The following ABCC8 variants were observed in gnomAD, a reference collection of about 807,000 sequenced individuals.
The protein encoded by ABCC8 is ATP binding cassette subfamily C member 8, also known as ATP-binding cassette sub-family C member 8.
ABCC8 carries 137 observed loss-of-function variants against 188.0 expected under a neutral mutation model. The ratio of observed to expected loss-of-function variants is 0.73; its 90% CI spans 0.63 to 0.84. The LOEUF (loss-of-function observed/expected upper bound fraction) is 0.84, where lower values mean the gene tolerates loss of function less well. Ranked by LOEUF, ABCC8 falls within the 40% of genes least tolerant of loss-of-function variation. The pLI, the probability that ABCC8 is intolerant of heterozygous loss-of-function variation, is 0.00. For synonymous variants in ABCC8, 797 were observed against 846.5 expected (o/e 0.94, Z 1.01); for missense variants, 1,750 against 2,072.7 (o/e 0.84, Z 3.02).
rs1194990705 is a variant in ABCC8, at chr11:17,461,104, T to C, written c.823-428A>G. On this transcript the variant is annotated intron_variant, in intron 5 of 38. Transcript: ENST00000389817. ...CTGCCGCCTGCCAGCTGTGGCCAGC[T>C]CTGGGCAGGTCACAGCCTTTCTCAG... 1.2e-5 allele frequency: 4 copies of C among 343,280 alleles called. No individual in the cohort carries two copies. In the Admixed American group the frequency reaches 1.3e-4, roughly 12 times the overall value. 21.3% of individuals were successfully genotyped at this position (343,280 alleles called of 1,614,324 possible). A position where few individuals can be genotyped will look rare whatever the true frequency, so the allele number is the denominator to read the frequency against.
chr11:17,441,914 T>A (rs971331496), intron 10 of ABCC8, among the ~76,000 whole-genome samples: 13 of 152,140 alleles, frequency 8.5e-5, no homozygotes, highest in Admixed American at 8.5e-4. Context: ...ACTCTGTCTC[T>A]ACTAAAAATA....
Position 17,413,626 on chromosome 11 carries a change from G to A in ABCC8, c.2391-148C>T, listed in dbSNP as rs143249391. The A allele has an allele frequency of 1.4e-5, 21 of 1,506,500 alleles. No individual in the cohort carries two copies. In the African/African-American group the frequency reaches 1.5e-4, roughly 11 times the overall value. 93.3% of individuals were successfully genotyped at this position (1,506,500 alleles called of 1,614,324 possible). A position where few individuals can be genotyped will look rare whatever the true frequency, so the allele number is the denominator to read the frequency against. Reference sequence around the variant, plus strand: ...TCCCGCTTGGGTGCAAGCAAACACCGTGTGAGCTTGAAAAGAGCTGAGGTC... The same window carrying A: ...TCCCGCTTGGGTGCAAGCAAACACCATGTGAGCTTGAAAAGAGCTGAGGTC... On this transcript the variant is annotated intron_variant, in intron 19 of 38. Coordinates refer to ENST00000389817, the MANE Select transcript of ABCC8 (RefSeq NM_000352.6).
At chr11:17,407,944 A>G (rs1047031164) in intron 23 of ABCC8, among the ~76,000 whole-genome samples, 2 of 152,186 alleles carry the variant, frequency 1.3e-5, no homozygotes, top group South Asian at 2.1e-4. Context: ...AATGGAGCCA[A>G]TTTGAGGGGA....
intron 16 of ABCC8, among the ~76,000 whole-genome samples, chr11:17,422,950 C>T (rs1292829725): frequency 6.6e-6 from 1 of 152,042 alleles, no homozygotes; most frequent in Non-Finnish European, 1.5e-5. Context: ...TGAAACCACA[C>T]TCATCCTTCA....
Position 17,460,625 on chromosome 11 carries a change from T to C in ABCC8, c.874A>G (p.Ser292Gly), listed in dbSNP as rs1591885742. 7.4e-6 allele frequency: 12 copies of C among 1,612,640 alleles called. No individual in the cohort carries two copies. Among genetic ancestry groups the C allele is most frequent in the Non-Finnish European group, 7.6e-6 (9 of 1,180,032 alleles). ...QGARAIWQAL[S>G]HAFGRRLVLS... ...ACCAGGCGCCTCCCGAAGGCATGGC[T>C]GAGTGCCTGCCAGATGGCCCGGGCA... Residue 292 changes from serine to glycine, a missense_variant, in exon 6 of 39, where the codon AGC becomes GGC. Coordinates refer to ENST00000389817, the MANE Select transcript of ABCC8 (RefSeq NM_000352.6).
intron 10 of ABCC8, among the ~76,000 whole-genome samples, chr11:17,437,832 C>T (rs1956166824): frequency 6.6e-6 from 1 of 152,232 alleles, no homozygotes; most frequent in South Asian, 2.1e-4. Context: ...GGCACAGTGG[C>T]TCATGCTTGT....
At chr11:17,471,185 G>C (rs1050834984) in intron 2 of ABCC8, among the ~76,000 whole-genome samples, 1 of 152,198 alleles carries the variant, frequency 6.6e-6, no homozygotes, top group African/African-American at 2.4e-5. Context: ...CCCTGCCCTT[G>C]AGAAGCTGAT....
At position 17,393,904 on chromosome 11, in the gene ABCC8, G is replaced by C. The variant is rs578231167; in HGVS notation, c.4546-145C>G. On this transcript the variant is annotated intron_variant, in intron 37 of 38. Transcript: ENST00000389817. The stretch of plus-strand genomic sequence containing the variant: ...CACCCCCACCCCACAGGACTGAACA[G>C]GTTCCCGGCACTCAGGGACTGGACT... 3.6e-5 allele frequency: 55 copies of C among 1,536,280 alleles called. 1 individual carries two copies. The South Asian group carries it at 6.2e-4, about 17-fold the overall frequency.
Position 17,399,275 on chromosome 11 carries a change from CAAAA to C in ABCC8, c.3651-838_3651-835del, listed in dbSNP as rs57138230. Among the ~76,000 whole-genome samples, 479 of 58,488 alleles carry C rather than the reference CAAAA, an allele frequency of 8.2e-3. 5 individuals carry two copies. Among genetic ancestry groups the C allele is most frequent in the African/African-American group, 0.04 (445 of 11,028 alleles). The allele number at this position is 58,488 out of a possible 152,430, so 38.4% of individuals were successfully genotyped here. ...TGGGTGACAAAGTGAGACTCTGCCT[CAAAA>C]AAAAAAAAAAAAAAAAAAAAAAAAA... On this transcript the variant is annotated intron_variant, in intron 29 of 38. Coordinates refer to ENST00000389817, the MANE Select transcript of ABCC8 (RefSeq NM_000352.6).
chr11:17,401,943 C>A (rs984313822), intron 29 of ABCC8, among the ~76,000 whole-genome samples: 5 of 152,216 alleles, frequency 3.3e-5, no homozygotes, highest in African/African-American at 1.2e-4. Context: ...CAAAAACCTT[C>A]CCGGACTGTC....
chr11:17,430,325 C>A (rs546877145), intron 12 of ABCC8: 2 of 282,796 alleles, frequency 7.1e-6, no homozygotes, highest in East Asian at 8.5e-5. Flanking sequence ...CAGGACCCAG[C>A]GCTTGGGGGA....
At chr11:17,473,812 C>T (rs1848609927) in intron 2 of ABCC8, among the ~76,000 whole-genome samples, 1 of 152,210 alleles carries the variant, frequency 6.6e-6, no homozygotes. Context: ...AGGTTCCCAC[C>T]TAAAAGTGTT....
Position 17,470,097 on chromosome 11 carries a change from C to T in ABCC8, c.412+4G>A, listed in dbSNP as rs1471186343. 3 of 1,614,106 alleles carry T rather than the reference C, an allele frequency of 1.9e-6. No individual in the cohort carries two copies. Among genetic ancestry groups the T allele is most frequent in the Middle Eastern group, 1.6e-4 (1 of 6,062 alleles). On this transcript the variant is annotated splice_donor_region_variant and intron_variant, in intron 3 of 38. Transcript: ENST00000389817. ...ACTGCCCCTCCCTCCTACACCTCAC[C>T]TACCAATTAGCAGCTTGGGGAAGTT...
chr11:17,394,196 C>A, intron 37 of ABCC8, 70 bp downstream of exon 37: 2 of 1,577,884 alleles, frequency 1.3e-6, no homozygotes, highest in Non-Finnish European at 1.7e-6. Flanking sequence ...CTACTTCGTG[C>A]AAATTTCTCC....
Position 17,461,728 on chromosome 11 carries a change from G to C in ABCC8, c.677C>G (p.Ser226Cys), listed in dbSNP as rs780964775. Residue 226 changes from serine to cysteine, a missense_variant, in exon 5 of 39, where the codon TCC (serine) becomes TGC (cysteine). By Grantham distance (112) the Ser-to-Cys change is moderately radical. Transcript: ENST00000389817. Reference sequence around the variant, plus strand: ...GTTCATCCACCAGTAGGTGCCTTTGGACAGCAGATTCACGAAGGGCTGCAG... The same window carrying C: ...GTTCATCCACCAGTAGGTGCCTTTGCACAGCAGATTCACGAAGGGCTGCAG... ...RFLQPFVNLL[S>C]KGTYWWMNAF... 3 of 1,614,180 alleles carry C rather than the reference G, an allele frequency of 1.9e-6. No homozygotes were observed. Among genetic ancestry groups the C allele is most frequent in the Non-Finnish European group, 2.5e-6 (3 of 1,180,034 alleles).
intron 7 of ABCC8, among the ~76,000 whole-genome samples, chr11:17,450,099 T>C (rs1398223171): frequency 1.3e-5 from 2 of 152,222 alleles, no homozygotes; most frequent in Non-Finnish European, 2.9e-5. Flanking sequence ...AATTCAGGAA[T>C]TGTGCTTAAT....
chr11:17,428,651 A>G lies in ABCC8; in HGVS notation c.1837T>C (p.Phe613Leu). 6.2e-7 allele frequency: 1 copy of G among 1,613,434 alleles called. No homozygotes were observed. Among genetic ancestry groups the G allele is most frequent in the Non-Finnish European group, 8.5e-7 (1 of 1,179,972 alleles). The change falls in exon 13 of 39, where the codon TTC becomes CTC. Residue 613 changes from phenylalanine to leucine, a missense_variant. Transcript: ENST00000389817. ...TCACGGATCTCTGCACTGGACAGGAACTCGCTTAGCTTTTGCACGCTGCTC... is the reference window on the plus strand; with the variant it reads ...TCACGGATCTCTGCACTGGACAGGAGCTCGCTTAGCTTTTGCACGCTGCTC... ...ALVSVQKLSE[F>L]LSSAEIREEQ...
At chr11:17,469,667 C>G (rs1055793475) in intron 3 of ABCC8, among the ~76,000 whole-genome samples, 1 of 152,116 alleles carries the variant, frequency 6.6e-6, no homozygotes, top group African/African-American at 2.4e-5. Context: ...CCCTCACCTC[C>G]CACTCTTCCC....
chr11:17,447,707 C>A (rs1248961103), intron 8 of ABCC8, among the ~76,000 whole-genome samples: 1 of 152,202 alleles, frequency 6.6e-6, no homozygotes, highest in Non-Finnish European at 1.5e-5. Flanking sequence ...TTTAGGTAAT[C>A]TTCCCACCTC....
Sources: allele counts gnomAD v4.1 joint callset (sites outside exome capture counted in the v4.1 genomes callset), GRCh38; gene constraint gnomAD v4.1.1; transcripts MANE v1.5; gene names NCBI Gene and HGNC (gene_info 2026-07-23, HGNC 2026-07-21).